The following MAPK10 variants were observed in gnomAD, a reference collection of about 807,000 sequenced individuals.
The protein encoded by MAPK10 is JNK3 alpha protein kinase.
MAPK10 carries 25 observed loss-of-function variants against 59.3 expected under a neutral mutation model. The ratio of observed to expected loss-of-function variants is 0.42; its 90% confidence interval spans 0.31 to 0.59. The LOEUF is 0.59. Ranked by LOEUF, MAPK10 falls within the 20% of genes least tolerant of loss-of-function variation. The pLI is 0.15. For synonymous variants in MAPK10, 190 were observed against 200.5 expected, an observed-to-expected ratio of 0.95 and a Z score of 0.44; for missense variants, 351 against 568.9, an observed-to-expected ratio of 0.62 and a Z score of 3.90.
intron 9 of MAPK10, among the ~76,000 whole-genome samples, chr4:86,069,430 G>T (rs2047355580): frequency 6.6e-6 from 1 of 151,992 alleles, no homozygotes; most frequent in South Asian, 2.1e-4. Flanking sequence ...TGCTTTGATA[G>T]AAGCTCATCT....
chr4:86,165,234 C>T (rs1342344152), intron 3 of MAPK10, among the ~76,000 whole-genome samples: 1 of 152,132 alleles, frequency 6.6e-6, no homozygotes, highest in African/African-American at 2.4e-5. Context: ...ATAGTTATGA[C>T]CAGCAGATTC....
Position 86,098,464 on chromosome 4 carries a change from T to C in MAPK10, c.802+60A>G, listed in dbSNP as rs1475803434. 17 of 1,607,670 alleles carry C rather than the reference T, an allele frequency of 1.1e-5. No individual in the cohort carries two copies. The Admixed American group carries it at 2.7e-4, about 26-fold the overall frequency. ...CTTTACTCTCCTGGTAAAATCATTA[T>C]GTGTTTAAAAGGGAGAGAGAACAAA... On this transcript the variant is annotated intron_variant, in intron 9 of 13. Transcript: ENST00000641462.
At chr4:86,491,905 G>A (rs1454216117) in intron 1 of MAPK10, among the ~76,000 whole-genome samples, 4 of 152,116 alleles carry the variant, frequency 2.6e-5, no homozygotes, top group Non-Finnish European at 4.4e-5. Context: ...GCCTAGGTAT[G>A]AATTTCCTCT....
intron 1 of MAPK10, among the ~76,000 whole-genome samples, chr4:86,575,144 C>A (rs139662402): frequency 6.6e-6 from 1 of 152,116 alleles, no homozygotes; most frequent in Non-Finnish European, 1.5e-5. Context: ...CTGTTTGAGC[C>A]GGGACATTGG....
At chr4:86,465,363 A>G (rs1752105073) in intron 1 of MAPK10, among the ~76,000 whole-genome samples, 1 of 152,258 alleles carries the variant, frequency 6.6e-6, no homozygotes, top group Non-Finnish European at 1.5e-5. Flanking sequence ...TATTAAACAC[A>G]TTCCTGGTAT....
intron 9 of MAPK10, among the ~76,000 whole-genome samples, chr4:86,083,624 C>T (rs200859734): frequency 6.6e-6 from 1 of 152,158 alleles, no homozygotes; most frequent in South Asian, 2.1e-4. Flanking sequence ...CTTTCTAGGT[C>T]ACTAGGACTG....
intron 2 of MAPK10, among the ~76,000 whole-genome samples, chr4:86,198,612 T>A (rs938557185): frequency 4.6e-5 from 7 of 152,052 alleles, no homozygotes; most frequent in Admixed American, 1.3e-4. Flanking sequence ...AGATCAGAAA[T>A]TTCAGGAAAG....
intron 3 of MAPK10, among the ~76,000 whole-genome samples, chr4:86,172,277 A>G (rs566853150): frequency 2.0e-4 from 29 of 144,524 alleles, no homozygotes; most frequent in African/African-American, 8.3e-4. Flanking sequence ...ATGCACACGT[A>G]TGTTTATTGC....
chr4:86,349,915 T>A (rs1730286842), intron 2 of MAPK10, among the ~76,000 whole-genome samples: 1 of 152,106 alleles, frequency 6.6e-6, no homozygotes, highest in Non-Finnish European at 1.5e-5. Context: ...ACAGGCAGTA[T>A]AAACAGCATG....
intron 1 of MAPK10, among the ~76,000 whole-genome samples, chr4:86,443,020 A>C (rs1195893284): frequency 6.6e-6 from 1 of 152,172 alleles, no homozygotes; most frequent in African/African-American, 2.4e-5. Flanking sequence ...AGAGACAGAC[A>C]GGGACACTGA....
At chr4:86,071,132 C>G (rs1273277751) in intron 9 of MAPK10, among the ~76,000 whole-genome samples, 1 of 152,018 alleles carries the variant, frequency 6.6e-6, no homozygotes, top group Non-Finnish European at 1.5e-5. Flanking sequence ...TTGCATTTCT[C>G]TGATGGCCAG....
chr4:86,197,347 T>C (rs1331977881), intron 2 of MAPK10, among the ~76,000 whole-genome samples: 1 of 152,192 alleles, frequency 6.6e-6, no homozygotes, highest in African/African-American at 2.4e-5. Flanking sequence ...AGTTCACTCA[T>C]GATTTGGCTC....
At chr4:86,314,463 TTC>T (rs1397520206) in intron 2 of MAPK10, among the ~76,000 whole-genome samples, 1 of 152,148 alleles carries the variant, frequency 6.6e-6, no homozygotes, top group Non-Finnish European at 1.5e-5. Context: ...CTTCCTCATT[TTC>T]TCTTATTGCT....
At chr4:86,364,477 T>G (rs1737511103), upstream of MAPK10, among the ~76,000 whole-genome samples, 2 of 152,212 alleles carry the variant, frequency 1.3e-5, no homozygotes, top group African/African-American at 4.8e-5. Flanking sequence ...TTCTTGGTAT[T>G]AGTTACAAAG....
At chr4:86,228,400 C>A (rs17011533) in intron 2 of MAPK10, among the ~76,000 whole-genome samples, 1 of 152,108 alleles carries the variant, frequency 6.6e-6, no homozygotes, top group Non-Finnish European at 1.5e-5. Context: ...CAGTAAATGT[C>A]GTGTATCACA....
intron 2 of MAPK10, among the ~76,000 whole-genome samples, chr4:86,274,973 C>G (rs1035304993): frequency 1.3e-5 from 2 of 152,012 alleles, no homozygotes; most frequent in Non-Finnish European, 2.9e-5. Flanking sequence ...CAAAGCCTCT[C>G]TAAGGCTTTA....
chr4:86,010,576 A>G lies in MAPK10; in HGVS notation c.*6652T>C, dbSNP rs2148881301. 1 of 152,316 alleles carries G rather than the reference A, an allele frequency of 6.6e-6. No individual in the cohort carries two copies. Among genetic ancestry groups the G allele is most frequent in the East Asian group, 1.9e-4 (1 of 5,184 alleles). 9.4% of individuals were successfully genotyped at this position (152,316 alleles called of 1,614,324 possible). ...TTCAGAGCAATATTCTCAGGGCTTG[A>G]TTTACACCAAATCCAAGTTCGCAAT... On this transcript the variant is annotated 3_prime_UTR_variant, in exon 14 of 14. Transcript: ENST00000641462.
chr4:86,101,009 TTTCA>T, intron 8 of MAPK10, 39 bp downstream of exon 8: 1 of 1,583,634 alleles, frequency 6.3e-7, no homozygotes, highest in African/African-American at 1.3e-5. Context: ...CGTGCACCCG[TTTCA>T]TTCATGGTTT....
intron 9 of MAPK10, among the ~76,000 whole-genome samples, chr4:86,072,406 C>A (rs914648685): frequency 1.4e-5 from 2 of 146,440 alleles, no homozygotes; most frequent in African/African-American, 5.2e-5. Flanking sequence ...TCTAATTGCC[C>A]TGGCCAGAAC....
Sources: allele counts gnomAD v4.1 joint callset (sites outside exome capture counted in the v4.1 genomes callset), GRCh38; gene constraint gnomAD v4.1.1; transcripts MANE v1.5; gene names NCBI Gene and HGNC (gene_info 2026-07-23, HGNC 2026-07-21).